SLC4A4: variants seen among roughly 807,000 people sequenced by gnomAD.
The protein encoded by SLC4A4 is solute carrier family 4 member 4.
SLC4A4 carries 27 observed loss-of-function variants against 111.5 expected under a neutral mutation model. The observed-to-expected ratio is 0.24, with a 90% CI of 0.18 to 0.33. SLC4A4 has a LOEUF of 0.33. Among genes scored for constraint, SLC4A4 ranks in the 10% least tolerant of loss-of-function variants. SLC4A4 has a pLI of 1.00. For synonymous variants in SLC4A4, 443 were observed against 463.4 expected (o/e 0.96, Z 0.57); for missense variants, 909 against 1,315.5 (o/e 0.69, Z 4.78).
At chr4:71,435,698 T>TA in intron 7 of SLC4A4, among the ~76,000 whole-genome samples, 1 of 151,930 alleles carries the variant, frequency 6.6e-6, no homozygotes, top group Non-Finnish European at 1.5e-5. Context: ...ACAAAGAACT[T>TA]AAACAAATTT....
At chr4:71,544,535 G>A (rs1431697559) in intron 18 of SLC4A4, among the ~76,000 whole-genome samples, 1 of 151,948 alleles carries the variant, frequency 6.6e-6, no homozygotes, top group Non-Finnish European at 1.5e-5. Context: ...AATTCTGTAG[G>A]CTCCACCTTA....
intron 1 of SLC4A4, among the ~76,000 whole-genome samples, chr4:71,194,987 G>T (rs1480586347): frequency 6.6e-6 from 1 of 152,034 alleles, no homozygotes; most frequent in Non-Finnish European, 1.5e-5. Context: ...TTCAGCTTTG[G>T]CTTGATGTTG....
At chr4:71,268,540 A>C (rs1402469796) in intron 3 of SLC4A4, among the ~76,000 whole-genome samples, 1 of 152,188 alleles carries the variant, frequency 6.6e-6, no homozygotes, top group Non-Finnish European at 1.5e-5. Flanking sequence ...GACATTTCTG[A>C]TGCAAAGGGA....
At chr4:71,509,563 G>A (rs895862638) in intron 16 of SLC4A4, among the ~76,000 whole-genome samples, 1 of 152,138 alleles carries the variant, frequency 6.6e-6, no homozygotes, top group South Asian at 2.1e-4. Context: ...CTTCATGGGG[G>A]TTTGTGATGG....
chr4:71,196,634 C>T (rs1483069136), intron 1 of SLC4A4, among the ~76,000 whole-genome samples: 2 of 151,300 alleles, frequency 1.3e-5, no homozygotes, highest in Non-Finnish European at 2.9e-5. Flanking sequence ...CTCACGGTGG[C>T]CAGAAAATGC....
At chr4:71,373,376 T>G (rs1192096647) in intron 6 of SLC4A4, among the ~76,000 whole-genome samples, 2 of 152,198 alleles carry the variant, frequency 1.3e-5, no homozygotes, top group Non-Finnish European at 2.9e-5. Flanking sequence ...AACAGAGAAT[T>G]GGGAAAAGAA....
intron 15 of SLC4A4, among the ~76,000 whole-genome samples, chr4:71,487,444 G>A (rs1381408317): frequency 1.3e-5 from 2 of 151,578 alleles, no homozygotes; most frequent in Admixed American, 6.6e-5. Flanking sequence ...ATTGTAGCAG[G>A]ACCTTTCCCC....
chr4:71,297,509 A>ACACAC (rs1724890045), intron 3 of SLC4A4, among the ~76,000 whole-genome samples: 2 of 132,056 alleles, frequency 1.5e-5, no homozygotes, highest in Non-Finnish European at 3.2e-5. Context: ...CACACAGACA[A>ACACAC]ACACACACAC....
chr4:71,446,224 G>T (rs1171418527), intron 8 of SLC4A4, among the ~76,000 whole-genome samples: 2 of 152,066 alleles, frequency 1.3e-5, no homozygotes, highest in African/African-American at 4.8e-5. Flanking sequence ...TTTTGGAACA[G>T]ACCCAAACAT....
chr4:71,335,129 C>G (rs1728328993), intron 3 of SLC4A4, among the ~76,000 whole-genome samples: 1 of 152,090 alleles, frequency 6.6e-6, no homozygotes, highest in African/African-American at 2.4e-5. Flanking sequence ...TTCTTATTAC[C>G]TAGGTGGCAG....
chr4:71,290,361 A>G (rs749480473), intron 3 of SLC4A4, among the ~76,000 whole-genome samples: 11 of 152,190 alleles, frequency 7.2e-5, no homozygotes, highest in Non-Finnish European at 1.0e-4. Flanking sequence ...TAGTCAGCAA[A>G]TGAGACAAAG....
intron 2 of SLC4A4, among the ~76,000 whole-genome samples, chr4:71,109,794 C>T (rs771581353): frequency 3.3e-5 from 5 of 152,134 alleles, no homozygotes; most frequent in South Asian, 2.1e-4. Flanking sequence ...CTGTCGTCCT[C>T]GGCCTCCCGA....
At chr4:71,365,161 T>G (rs73826296) in intron 6 of SLC4A4, among the ~76,000 whole-genome samples, 7,648 of 152,212 alleles carry the variant, frequency 0.05, 424 homozygotes, top group South Asian at 0.13. Context: ...GTTTTATACA[T>G]CTAGGGTCTG....
At chr4:71,086,060 T>C (rs1286438045) in intron 1 of SLC4A4, among the ~76,000 whole-genome samples, 1 of 151,954 alleles carries the variant, frequency 6.6e-6, no homozygotes, top group Non-Finnish European at 1.5e-5. Context: ...TCCATTTGTT[T>C]GTATCCTCTT....
At chr4:71,433,278 C>G (rs564973961) in intron 7 of SLC4A4, among the ~76,000 whole-genome samples, 6 of 151,718 alleles carry the variant, frequency 4.0e-5, no homozygotes, top group Admixed American at 1.3e-4. Flanking sequence ...CTCATCTAGT[C>G]TGCCTTCCCT....
chr4:71,236,091 C>T, intron 1 of SLC4A4: 5 of 1,004,318 alleles, frequency 5.0e-6, no homozygotes, highest in Non-Finnish European at 5.9e-6. Flanking sequence ...CTGTCGCTCT[C>T]TGCGTGTGGG....
At chr4:71,504,269 C>T (rs749798786) in intron 16 of SLC4A4, among the ~76,000 whole-genome samples, 80 of 152,232 alleles carry the variant, frequency 5.3e-4, no homozygotes, top group Admixed American at 3.2e-3. Context: ...TTTGTCTCTT[C>T]TTTCACTGTC....
At chr4:71,365,577 G>A (rs1279229099) in intron 6 of SLC4A4, among the ~76,000 whole-genome samples, 1 of 152,136 alleles carries the variant, frequency 6.6e-6, no homozygotes, top group Non-Finnish European at 1.5e-5. Context: ...GACTAAGCAT[G>A]CCTCATTCTA....
chr4:71,089,304 T>G (rs1211992747), intron 1 of SLC4A4, among the ~76,000 whole-genome samples: 2 of 152,092 alleles, frequency 1.3e-5, no homozygotes. Context: ...TTGTCTAATT[T>G]TTTTTCAAGG....
Sources: allele counts gnomAD v4.1 joint callset (sites outside exome capture counted in the v4.1 genomes callset), GRCh38; gene constraint gnomAD v4.1.1; transcripts MANE v1.5; gene names NCBI Gene and HGNC (gene_info 2026-07-23, HGNC 2026-07-21).